The following FTO variants were observed in gnomAD, a reference collection of about 807,000 sequenced individuals.
FTO encodes alpha-ketoglutarate-dependent dioxygenase FTO.
In FTO, 47 loss-of-function variants were observed where a neutral mutation model predicts 63.9. That is an observed-to-expected ratio of 0.74 (90% CI 0.58 to 0.94). The LOEUF (loss-of-function observed/expected upper bound fraction) is 0.94. Among genes scored for constraint, FTO ranks in the 40% least tolerant of loss-of-function variants. FTO has a pLI of 0.00. For synonymous variants in FTO, 207 were observed against 224.4 expected, an observed-to-expected ratio of 0.92 and a Z score of 0.69; for missense variants, 562 against 618.1, an observed-to-expected ratio of 0.91 and a Z score of 0.96.
chr16:53,745,981 A>G (rs1458895035), intron 1 of FTO, among the ~76,000 whole-genome samples: 1 of 152,172 alleles, frequency 6.6e-6, no homozygotes, highest in Non-Finnish European at 1.5e-5. Context: ...CTTAGCAATC[A>G]TACTGCATAA....
At chr16:53,810,268 C>A in intron 2 of FTO, 51 bp downstream of exon 2, 1 of 1,274,114 alleles carries the variant, frequency 7.8e-7, no homozygotes, top group Non-Finnish European at 1.1e-6. Flanking sequence ...TCTGATCAAC[C>A]TTATTTTACC....
chr16:53,813,931 G>A (rs2078602575), intron 2 of FTO, among the ~76,000 whole-genome samples: 1 of 152,174 alleles, frequency 6.6e-6, no homozygotes, highest in African/African-American at 2.4e-5. Context: ...GGGAGGCTGA[G>A]GTGGGAGGAT....
chr16:53,711,902 C>A (rs1353772841), intron 1 of FTO, among the ~76,000 whole-genome samples: 2 of 152,142 alleles, frequency 1.3e-5, no homozygotes, highest in Non-Finnish European at 2.9e-5. Context: ...GTCTTATCAA[C>A]TTTAAATGAT....
At chr16:53,841,541 C>T (rs1313146035) in intron 3 of FTO, among the ~76,000 whole-genome samples, 1 of 152,186 alleles carries the variant, frequency 6.6e-6, no homozygotes, top group Non-Finnish European at 1.5e-5. Context: ...GCATTCCTTC[C>T]TTGCAGAGAC....
chr16:53,879,962 A>G lies in FTO; in HGVS notation c.1094A>G (p.Lys365Arg), dbSNP rs758583500. The G allele has an allele frequency of 1.9e-6, 3 of 1,613,776 alleles. No individual in the cohort carries two copies. Among genetic ancestry groups the G allele is most frequent in the Middle Eastern group, 1.6e-4 (1 of 6,084 alleles). The change falls in exon 6 of 9, where the codon AAA becomes AGA. Residue 365 changes from lysine (K) to arginine (R), a missense_variant. Lys to Arg is a conservative substitution (Grantham distance 26). Transcript: ENST00000471389. ...AAATCCTTTGAGCCTGCAGTTTTGA[A>G]ACAAGGAGAAGAAATTCATAATGAG... ...SLKSFEPAVLKQGEEIHNEVE... is the reference protein window; with the variant it reads ...SLKSFEPAVLRQGEEIHNEVE...
At chr16:53,882,714 T>C (rs1341992299) in intron 6 of FTO, among the ~76,000 whole-genome samples, 2 of 152,354 alleles carry the variant, frequency 1.3e-5, no homozygotes, top group East Asian at 3.9e-4. Flanking sequence ...CTTTCCTTTT[T>C]ACTCTGCAGG....
chr16:53,738,890 G>T (rs371891605), intron 1 of FTO, among the ~76,000 whole-genome samples: 9 of 152,054 alleles, frequency 5.9e-5, no homozygotes, highest in African/African-American at 2.2e-4. Flanking sequence ...ACCCAGGCTG[G>T]AGTGCAGTGG....
chr16:53,764,475 C>CAAA (rs56906281), intron 1 of FTO, among the ~76,000 whole-genome samples: 77 of 118,708 alleles, frequency 6.5e-4, no homozygotes, highest in African/African-American at 1.6e-3. Flanking sequence ...ACTAAAAATA[C>CAAA]AAAAAAAAAA....
At chr16:54,106,862 T>A (rs183717731) in intron 8 of FTO, among the ~76,000 whole-genome samples, 2,186 of 138,240 alleles carry the variant, frequency 0.016, 59 homozygotes, top group African/African-American at 0.054. Context: ...AATAATTATA[T>A]ATAATAATAT....
rs937401307 is a variant in FTO, at chr16:53,811,190, A to G, written c.123+973A>G. 2.0e-5 allele frequency among the ~76,000 whole-genome samples: 3 copies of G among 152,212 alleles called. 1 individual carries two copies. Among genetic ancestry groups the G allele is most frequent in the African/African-American group, 7.2e-5 (3 of 41,456 alleles). ...AGTTAGACATGGGTGGCTCTCCCAA[A>G]GGAAAATCAGAGTCCTGTTTCCAAA... On this transcript the variant is annotated intron_variant, in intron 2 of 8. Coordinates refer to ENST00000471389, the MANE Select transcript of FTO (RefSeq NM_001080432.3).
intron 8 of FTO, among the ~76,000 whole-genome samples, chr16:54,009,095 G>A (rs16952808): frequency 0.12 from 18,909 of 151,990 alleles, 1,517 homozygotes; most frequent in Admixed American, 0.26. Context: ...AACTCTTTGA[G>A]GAAAGGAACT....
At chr16:53,733,198 G>A (rs1403759009) in intron 1 of FTO, among the ~76,000 whole-genome samples, 1 of 152,116 alleles carries the variant, frequency 6.6e-6, no homozygotes, top group East Asian at 1.9e-4. Flanking sequence ...TCAGGAGTTC[G>A]AGACTAGCCT....
At chr16:53,720,281 CCCTT>C (rs2076005737) in intron 1 of FTO, among the ~76,000 whole-genome samples, 1 of 152,106 alleles carries the variant, frequency 6.6e-6, no homozygotes, top group Admixed American at 6.5e-5. Context: ...GATAATAACT[CCCTT>C]CCCTGCTTCA....
intron 1 of FTO, among the ~76,000 whole-genome samples, chr16:53,710,597 A>C (rs937563013): frequency 1.8e-4 from 28 of 152,098 alleles, no homozygotes; most frequent in African/African-American, 6.8e-4. Context: ...ATTTTTGAGG[A>C]AAGATGGGGC....
At chr16:53,754,526 TATTCGGGAGGCTGAGTCAGGAGA>T (rs1191135836) in intron 1 of FTO, among the ~76,000 whole-genome samples, 1 of 152,088 alleles carries the variant, frequency 6.6e-6, no homozygotes. Flanking sequence ...TAATCCCAGC[TATTCGGGAGGCTGAGTCAGGAGA>T]ATCACTTGAA....
intron 3 of FTO, 124 bp downstream of exon 3, chr16:53,826,615 A>T: frequency 1.1e-6 from 1 of 879,802 alleles, no homozygotes; most frequent in Non-Finnish European, 1.9e-6. Flanking sequence ...GTGTACATGC[A>T]CATGCGTGTG....
At chr16:53,917,873 T>A (rs1025558769) in intron 7 of FTO, among the ~76,000 whole-genome samples, 1 of 152,158 alleles carries the variant, frequency 6.6e-6, no homozygotes, top group Admixed American at 6.5e-5. Context: ...AGATATTATC[T>A]AAGGACAAGT....
chr16:54,027,279 G>A (rs1380129317), intron 8 of FTO, among the ~76,000 whole-genome samples: 1 of 152,178 alleles, frequency 6.6e-6, no homozygotes, highest in African/African-American at 2.4e-5. Flanking sequence ...AAGCATAGCT[G>A]AATTTTTGGG....
chr16:53,969,976 CAAGAAAA>C (rs1180526901), intron 8 of FTO, among the ~76,000 whole-genome samples: 1 of 152,094 alleles, frequency 6.6e-6, no homozygotes, highest in Non-Finnish European at 1.5e-5. Context: ...AGACTAACTT[CAAGAAAA>C]GAGGAAAAGA....
Sources: gnomAD v4.1 joint callset for allele counts (sites outside exome capture counted in the v4.1 genomes callset) on GRCh38, gnomAD v4.1.1 for gene constraint, MANE v1.5 for transcripts, NCBI Gene and HGNC (gene_info 2026-07-23, HGNC 2026-07-21) for gene names.